C20orf203: variants seen among roughly 807,000 people sequenced by gnomAD.
The protein encoded by C20orf203 is chromosome 20 open reading frame 203.
Under a neutral mutation model 15.9 loss-of-function variants are expected in C20orf203, and 16 were observed. That is an observed-to-expected ratio of 1.01 (90% CI 0.68 to 1.53). C20orf203 has a LOEUF of 1.53. Among genes scored for constraint, C20orf203 ranks in the 40% most tolerant of loss-of-function variants. C20orf203 has a pLI of 0.00. For missense variants in C20orf203, 263 were observed against 247.5 expected, an observed-to-expected ratio of 1.06 and a Z score of -0.42; for synonymous variants, 98 against 97.2, an observed-to-expected ratio of 1.01 and a Z score of -0.05.
At chr20:32,652,192 C>A (rs1360975218) in intron 1 of C20orf203, among the ~76,000 whole-genome samples, 1 of 151,836 alleles carries the variant, frequency 6.6e-6, no homozygotes, top group Non-Finnish European at 1.5e-5. Context: ...GCCTGTAGTA[C>A]CAACTACTTG....
intron 1 of C20orf203, chr20:32,657,738 T>G (rs560241880): frequency 1.1e-4 from 16 of 151,864 alleles, no homozygotes; most frequent in African/African-American, 3.6e-4. Flanking sequence ...GGCAGGAGGA[T>G]CACTTGATAT....
rs34933326 is a variant in C20orf203, at chr20:32,666,797, T to TTATATATATATATATA, written c.-264+6819_-264+6834dup. Among the ~76,000 whole-genome samples, 148 of 65,554 alleles carry TTATATATATATATATA rather than the reference T, an allele frequency of 2.3e-3. 1 individual carries two copies. The highest frequency in any genetic ancestry group is 2.7e-3 in the Non-Finnish European group (76 of 27,956). The allele number at this position is 65,554 out of a possible 152,430, so 43.0% of individuals were successfully genotyped here. A position where few individuals can be genotyped will look rare whatever the true frequency, so the allele number is the denominator to read the frequency against. ...AAAAAAAGATGAAATTAATTTTAAT[T>TTATATATATATATATA]TATATATATATATATATATATATAT... On this transcript the variant is annotated intron_variant, in intron 1 of 5. Transcript: ENST00000608990.
In C20orf203 at chr20:32,631,651, T is replaced by A. The variant is rs1981997577; in HGVS notation, c.*3919A>T. 1 of 152,216 alleles carries A rather than the reference T, an allele frequency of 6.6e-6. No homozygotes were observed. The highest frequency in any genetic ancestry group is 1.5e-5 in the Non-Finnish European group (1 of 68,050). 9.4% of individuals were successfully genotyped at this position (152,216 alleles called of 1,614,324 possible). On this transcript the variant is annotated 3_prime_UTR_variant, in exon 6 of 6. Coordinates refer to ENST00000608990, the MANE Select transcript of C20orf203 (RefSeq NM_182584.4). The stretch of plus-strand genomic sequence containing the variant: ...AAAGAGGAATTACATGGCCTTTTAT[T>A]CACTACATTTTATTAATGTTTGAGA...
chr20:32,634,280 T>A lies in C20orf203; in HGVS notation c.*1300-10A>T, dbSNP rs963911623. On this transcript the variant is annotated splice_polypyrimidine_tract_variant and intron_variant, in intron 5 of 5. Transcript: ENST00000608990. ...AAGGTTATGCTGGAGTCTGGAAAGA[T>A]AAGAAAGAATTAGCAAGACAGGCAT... is the stretch of plus-strand genomic sequence containing the variant. 2 of 398,086 alleles carry A rather than the reference T, an allele frequency of 5.0e-6. No individual in the cohort carries two copies. Among genetic ancestry groups the A allele is most frequent in the Non-Finnish European group, 8.8e-6 (2 of 226,038 alleles). 24.7% of individuals were successfully genotyped at this position (398,086 alleles called of 1,614,324 possible). A position where few individuals can be genotyped will look rare whatever the true frequency, so the allele number is the denominator to read the frequency against.
Position 32,632,263 on chromosome 20 carries a change from G to A in C20orf203, c.*3307C>T, listed in dbSNP as rs564349157. The A allele has an allele frequency of 1.3e-5, 2 of 152,338 alleles. No individual in the cohort carries two copies. Among genetic ancestry groups the A allele is most frequent in the South Asian group, 4.1e-4 (2 of 4,832 alleles). The allele number at this position is 152,338 out of a possible 1,614,324, so 9.4% of individuals were successfully genotyped here. On this transcript the variant is annotated 3_prime_UTR_variant, in exon 6 of 6. Transcript: ENST00000608990. ...GAGAGGGGAGAAGGCCTTTCATGGA[G>A]CACTCCTTAGATGCTGGGCCCTGAG...
At chr20:32,672,487 T>A (rs1049595305) in intron 1 of C20orf203, among the ~76,000 whole-genome samples, 20 of 152,120 alleles carry the variant, frequency 1.3e-4, no homozygotes, top group Non-Finnish European at 2.5e-4. Context: ...GCAGGAGGAC[T>A]GCTTGAGCCT....
rs58582539 is a variant in C20orf203, at chr20:32,648,607, A to ATGTTTTT, written c.*1177+647_*1177+648insAAAAACA. Reference sequence around the variant, plus strand: ...AGGCGCCTGCTGCCAAATCTGGCTAATTTTTTTTTTTTGTGTGTGTGTTTT... The same window carrying ATGTTTTT: ...AGGCGCCTGCTGCCAAATCTGGCTAATGTTTTTTTTTTTTTTTTTGTGTGTGTGTTTT... On this transcript the variant is annotated intron_variant, in intron 4 of 5. Coordinates refer to ENST00000608990, the MANE Select transcript of C20orf203 (RefSeq NM_182584.4). Among the ~76,000 whole-genome samples, 6 of 125,900 alleles carry ATGTTTTT rather than the reference A, an allele frequency of 4.8e-5. 1 individual carries two copies. Among genetic ancestry groups the ATGTTTTT allele is most frequent in the Admixed American group, 7.8e-5 (1 of 12,898 alleles). The allele number at this position is 125,900 out of a possible 152,430, so 82.6% of individuals were successfully genotyped here. A position where few individuals can be genotyped will look rare whatever the true frequency, so the allele number is the denominator to read the frequency against.
intron 1 of C20orf203, chr20:32,656,612 A>C (rs891917099): frequency 1.3e-5 from 2 of 152,268 alleles, no homozygotes; most frequent in Non-Finnish European, 2.9e-5. Flanking sequence ...CTGTAATCCC[A>C]GCACTTTGGG....
rs1329221246 is a variant in C20orf203, at chr20:32,673,748, T to C, written c.-380A>G. On this transcript the variant is annotated 5_prime_UTR_variant, in exon 1 of 6. Transcript: ENST00000608990. ...AAGGGCACATAAAACATATCTGCCTTTGCTCACTGTGATGTCTCCGACGCA... is the reference window on the plus strand; with the variant it reads ...AAGGGCACATAAAACATATCTGCCTCTGCTCACTGTGATGTCTCCGACGCA... 1.3e-5 allele frequency: 2 copies of C among 152,266 alleles called. No homozygotes were observed. Among genetic ancestry groups the C allele is most frequent in the Middle Eastern group, 3.2e-3 (1 of 316 alleles). 9.4% of individuals were successfully genotyped at this position (152,266 alleles called of 1,614,324 possible).
intron 5 of C20orf203, among the ~76,000 whole-genome samples, chr20:32,635,710 C>T (rs927483309): frequency 1.3e-5 from 2 of 152,146 alleles, no homozygotes; most frequent in Admixed American, 1.3e-4. Context: ...ACTCGGGAGG[C>T]TGAGGTGGGA....
At chr20:32,644,978 G>A (rs973581366) in intron 4 of C20orf203, among the ~76,000 whole-genome samples, 1 of 151,946 alleles carries the variant, frequency 6.6e-6, no homozygotes, top group Admixed American at 6.5e-5. Context: ...GGTTTGGCTC[G>A]CCAGCCCCAG....
Position 32,650,518 on chromosome 20 carries a change from G to T in C20orf203, c.499C>A (p.Leu167Ile). 1 of 1,550,484 alleles carries T rather than the reference G, an allele frequency of 6.4e-7. No individual in the cohort carries two copies. Among genetic ancestry groups the T allele is most frequent in the South Asian group, 1.2e-5 (1 of 84,054 alleles). The change falls in exon 4 of 6, where the codon CTC (leucine) becomes ATC (isoleucine). Residue 167 changes from leucine (L) to isoleucine (I), a missense_variant. Transcript: ENST00000608990. ...WTSTCFQDFCLPSLPGKLPAP... is the reference protein window; with the variant it reads ...WTSTCFQDFCIPSLPGKLPAP... The stretch of plus-strand genomic sequence containing the variant: ...GGCAACTTGCCTGGCAAGGATGGGA[G>T]GCAGAAGTCCTGGAAACATGTTGAG...
At chr20:32,664,719 C>T (rs964116635) in intron 1 of C20orf203, among the ~76,000 whole-genome samples, 8 of 152,220 alleles carry the variant, frequency 5.3e-5, no homozygotes, top group African/African-American at 1.9e-4. Flanking sequence ...CCACACGCTG[C>T]CACCCACACC....
chr20:32,655,309 C>T (rs1480903935), intron 1 of C20orf203, among the ~76,000 whole-genome samples: 1 of 152,106 alleles, frequency 6.6e-6, no homozygotes, highest in Non-Finnish European at 1.5e-5. Context: ...TGGTGGCTCA[C>T]ACCTGAAATC....
At chr20:32,653,680 G>A (rs1982693107) in intron 1 of C20orf203, among the ~76,000 whole-genome samples, 2 of 152,222 alleles carry the variant, frequency 1.3e-5, no homozygotes, top group East Asian at 3.8e-4. Flanking sequence ...TTACGGCAAA[G>A]TTGAATTCAC....
intron 2 of C20orf203, among the ~76,000 whole-genome samples, 176 bp from the exon 3 acceptor site, chr20:32,651,342 C>T (rs1253380481): frequency 7.7e-6 from 1 of 129,112 alleles, no homozygotes; most frequent in Non-Finnish European, 1.8e-5. Flanking sequence ...GAGCGAAACC[C>T]TATTCAAAAA....
rs1568750846 is a variant in C20orf203, at chr20:32,652,000, C to T, written c.-263-19G>A. On this transcript the variant is annotated intron_variant, in intron 1 of 5. Transcript: ENST00000608990. Reference sequence around the variant, plus strand: ...CCCCAGTCTGGAAGGAGAGAGAAAACACACATACAAATAACTAGAATGCAA... The same window carrying T: ...CCCCAGTCTGGAAGGAGAGAGAAAATACACATACAAATAACTAGAATGCAA... 6.6e-6 allele frequency: 1 copy of T among 152,212 alleles called. No homozygotes were observed. The highest frequency in any genetic ancestry group is 1.5e-5 in the Non-Finnish European group (1 of 68,076). The allele number at this position is 152,212 out of a possible 1,614,324, so 9.4% of individuals were successfully genotyped here.
At chr20:32,654,411 G>A (rs774637065) in intron 1 of C20orf203, among the ~76,000 whole-genome samples, 3 of 152,146 alleles carry the variant, frequency 2.0e-5, no homozygotes, top group Non-Finnish European at 4.4e-5. Flanking sequence ...AAGATGGCAA[G>A]ACTCCCCAAA....
At position 32,650,604 on chromosome 20, in the gene C20orf203, C is replaced by T. The variant is rs1982585526; in HGVS notation, c.413G>A (p.Gly138Glu). 6.5e-7 allele frequency: 1 copy of T among 1,544,328 alleles called. No individual in the cohort carries two copies. Among genetic ancestry groups the T allele is most frequent in the Non-Finnish European group, 8.8e-7 (1 of 1,141,418 alleles). ...CCCCACCGTGCCCATTCTGGGCATC[C>T]CTCCCATTGCCCTCCCCCGCCCAGC... is the stretch of plus-strand genomic sequence containing the variant. ...APAGRGRAMG[G>E]MPRMGTVGDF... The change falls in exon 4 of 6, where the codon GGG becomes GAG. Residue 138 changes from glycine (G) to glutamate (E), a missense_variant. Physicochemically the swap from Gly to Glu is moderately conservative, Grantham distance 98. Coordinates refer to ENST00000608990, the MANE Select transcript of C20orf203 (RefSeq NM_182584.4).
Sources: allele counts gnomAD v4.1 joint callset (sites outside exome capture counted in the v4.1 genomes callset), GRCh38; gene constraint gnomAD v4.1.1; transcripts MANE v1.5; gene names NCBI Gene and HGNC (gene_info 2026-07-23, HGNC 2026-07-21).